Variants in C5orf58 observed in about 807,000 individuals in gnomAD.
C5orf58 encodes the protein putative uncharacterized protein C5orf58.
In C5orf58, 2 loss-of-function variants were observed where a neutral mutation model predicts 2.9. That is an observed-to-expected ratio of 0.69 (90% CI 0.28 to 2.18). The LOEUF is 2.18. C5orf58 is among the 30% of genes most tolerant of loss of function. The pLI is 0.13. For missense variants in C5orf58, 96 were observed against 91.7 expected, an observed-to-expected ratio of 1.05 and a Z score of -0.19; for synonymous variants, 37 against 33.4, an observed-to-expected ratio of 1.11 and a Z score of -0.37.
chr5:170,239,243 G>C (rs537320120), intron 3 of C5orf58, among the ~76,000 whole-genome samples: 1 of 152,260 alleles, frequency 6.6e-6, no homozygotes, highest in Non-Finnish European at 1.5e-5. Flanking sequence ...CATATGACAA[G>C]ACTCAGCTAT....
intron 2 of C5orf58, 100 bp from the exon 3 acceptor site, chr5:170,234,877 C>A: frequency 1.9e-6 from 1 of 539,302 alleles, no homozygotes; most frequent in Non-Finnish European, 3.2e-6. Context: ...ATAATTATTT[C>A]TGAAATAACA....
At chr5:170,236,634 C>T (rs951922151) in intron 3 of C5orf58, among the ~76,000 whole-genome samples, 4 of 152,150 alleles carry the variant, frequency 2.6e-5, no homozygotes, top group African/African-American at 9.7e-5. Context: ...CCCCTCTAGT[C>T]TCTTACTCTG....
intron 3 of C5orf58, among the ~76,000 whole-genome samples, chr5:170,241,639 CT>C (rs1761012477): frequency 6.6e-6 from 1 of 151,016 alleles, no homozygotes. Flanking sequence ...TATCCTGAGA[CT>C]TTGCTGAAGT....
intron 3 of C5orf58, 59 bp from the exon 4 acceptor site, chr5:170,245,903 T>G: frequency 6.7e-7 from 1 of 1,492,918 alleles, no homozygotes; most frequent in Admixed American, 2.0e-5. Context: ...CTTAAAGCAA[T>G]AATAGTTTTT....
chr5:170,252,316 A>C (rs1258779062), downstream of C5orf58: 1 of 553,234 alleles, frequency 1.8e-6, no homozygotes, highest in Non-Finnish European at 3.2e-6. Flanking sequence ...CCTAGGTATT[A>C]CAGAAAGCAA....
At chr5:170,235,841 C>T (rs1760718953) in intron 3 of C5orf58, among the ~76,000 whole-genome samples, 1 of 152,006 alleles carries the variant, frequency 6.6e-6, no homozygotes, top group South Asian at 2.1e-4. Flanking sequence ...ACAAAAAAAC[C>T]AACTTAACTT....
chr5:170,242,531 A>T (rs1020926936), intron 3 of C5orf58, among the ~76,000 whole-genome samples: 6 of 118,038 alleles, frequency 5.1e-5, no homozygotes, highest in East Asian at 4.8e-4. Flanking sequence ...CGAGGAATTT[A>T]TCCATTTCTT....
Position 170,234,201 on chromosome 5 carries a change from T to C in C5orf58, c.-1+3T>C. 7.3e-7 allele frequency: 1 copy of C among 1,366,002 alleles called. No individual in the cohort carries two copies. The allele number at this position is 1,366,002 out of a possible 1,614,324, so 84.6% of individuals were successfully genotyped here. On this transcript the variant is annotated splice_donor_region_variant and intron_variant, in intron 2 of 3. Transcript: ENST00000593851. ...TAGAGGCAAGGATTGACTTAAAGGT[T>C]AGTTTGTTTTCATTATTTTGGACAA... is the stretch of plus-strand genomic sequence containing the variant.
At chr5:170,245,057 C>T (rs537884731) in intron 3 of C5orf58, among the ~76,000 whole-genome samples, 3 of 122,944 alleles carry the variant, frequency 2.4e-5, no homozygotes, top group Middle Eastern at 4.2e-3. Context: ...TGTCAGTGTG[C>T]CCCTGCTGGG....
downstream of C5orf58, among the ~76,000 whole-genome samples, chr5:170,249,624 G>A (rs1172426813): frequency 6.6e-6 from 1 of 152,050 alleles, no homozygotes; most frequent in Non-Finnish European, 1.5e-5. Flanking sequence ...GCATGGCACA[G>A]GAGTTCCTTC....
intron 1 of C5orf58, 122 bp from the exon 2 acceptor site, chr5:170,233,993 T>C (rs1760633248): frequency 4.5e-6 from 2 of 444,816 alleles, no homozygotes; most frequent in Admixed American, 3.3e-5. Flanking sequence ...ATCATCTTTC[T>C]TTTTCCCTGC....
chr5:170,251,380 C>T (rs952951095), intron 2 of C5orf58: 3 of 217,846 alleles, frequency 1.4e-5, no homozygotes, highest in African/African-American at 6.9e-5. Context: ...CTTCATCAGA[C>T]CCTTGAGCAA....
downstream of C5orf58, chr5:170,248,445 T>C (rs182816176): frequency 2.9e-6 from 1 of 339,220 alleles, no homozygotes; most frequent in East Asian, 8.2e-5. Flanking sequence ...AAATGAATTA[T>C]TACAGTGCAC....
In C5orf58 at chr5:170,235,032, A is replaced by T; in HGVS notation, c.56A>T (p.Asn19Ile). ...CTAAATGTGGACAAAGTAATTAAAA[A>T]TATTAACACAATTTCTTCGGAGTTG... Reference protein sequence around the residue: ...HKLNVDKVIKNINTISSELKK... With the variant: ...HKLNVDKVIKIINTISSELKK... Residue 19 changes from asparagine (N) to isoleucine (I), a missense_variant, in exon 3 of 4, where the codon AAT becomes ATT. Asn to Ile is a moderately radical substitution (Grantham distance 149). Coordinates refer to ENST00000593851, the MANE Select transcript of C5orf58 (RefSeq NM_001102609.3). 5.2e-6 allele frequency: 8 copies of T among 1,540,156 alleles called. No individual in the cohort carries two copies. The highest frequency in any genetic ancestry group is 7.1e-6 in the Non-Finnish European group (8 of 1,122,880).
chr5:170,248,947 T>C, downstream of C5orf58: 1 of 874,110 alleles, frequency 1.1e-6, no homozygotes, highest in South Asian at 1.6e-5. Flanking sequence ...GGAAAAAATG[T>C]AAATGTGGCA....
chr5:170,247,202 C>T (rs1002371151), downstream of C5orf58: 3 of 152,086 alleles, frequency 2.0e-5, no homozygotes, highest in Admixed American at 6.5e-5. Flanking sequence ...CTGAATAGCC[C>T]GTTGTGTAGA....
chr5:170,248,993 A>G (rs1434910791), downstream of C5orf58, among the ~76,000 whole-genome samples: 3 of 152,192 alleles, frequency 2.0e-5, no homozygotes, highest in East Asian at 5.8e-4. Context: ...AACTTTGAAA[A>G]AATTCCTCAT....
chr5:170,242,651 T>G (rs1175388364), intron 3 of C5orf58, among the ~76,000 whole-genome samples: 1 of 110,580 alleles, frequency 9.0e-6, no homozygotes. Flanking sequence ...TTATTGTGTC[T>G]ATTGGATTCT....
intron 3 of C5orf58, among the ~76,000 whole-genome samples, chr5:170,241,538 A>T (rs1055738191): frequency 6.6e-6 from 1 of 150,772 alleles, no homozygotes; most frequent in African/African-American, 2.5e-5. Flanking sequence ...TCTTTGAAGC[A>T]ATTGTGAATG....
Sources: gnomAD v4.1 joint callset for allele counts (sites outside exome capture counted in the v4.1 genomes callset) on GRCh38, gnomAD v4.1.1 for gene constraint, MANE v1.5 for transcripts, NCBI Gene and HGNC (gene_info 2026-07-23, HGNC 2026-07-21) for gene names.